The following TTC28 variants were observed in gnomAD, a reference collection of about 807,000 sequenced individuals.
TTC28 encodes tetratricopeptide repeat domain 28.
In TTC28, 61 loss-of-function variants were observed where a neutral mutation model predicts 198.0. That is an observed-to-expected ratio of 0.31 (90% CI 0.25 to 0.38). The LOEUF (loss-of-function observed/expected upper bound fraction) is 0.38, where lower values mean the gene tolerates loss of function less well. Ranked by LOEUF, TTC28 falls within the 10% of genes least tolerant of loss-of-function variation. The pLI is 1.00. For synonymous variants in TTC28, 1,171 were observed against 1,297.8 expected (o/e 0.90, Z 2.10); for missense variants, 2,678 against 3,164.0 (o/e 0.85, Z 3.69).
intron 9 of TTC28, 87 bp downstream of exon 9, chr22:28,101,083 TA>T: frequency 1.0e-6 from 1 of 962,974 alleles, no homozygotes; most frequent in African/African-American, 1.7e-5. Context: ...GTGCCTCTTG[TA>T]AATGCCATCA....
intron 2 of TTC28, among the ~76,000 whole-genome samples, chr22:28,599,200 G>T (rs2050596570): frequency 6.6e-6 from 1 of 152,152 alleles, no homozygotes; most frequent in East Asian, 1.9e-4. Flanking sequence ...GCCATAAATG[G>T]CAAGTTCTTT....
intron 2 of TTC28, among the ~76,000 whole-genome samples, chr22:28,429,426 G>C (rs188075562): frequency 6.6e-6 from 1 of 152,222 alleles, no homozygotes; most frequent in Admixed American, 6.5e-5. Context: ...TAACATACTT[G>C]CCTCGATTTA....
At chr22:28,439,601 T>C (rs1237011983) in intron 2 of TTC28, among the ~76,000 whole-genome samples, 1 of 152,178 alleles carries the variant, frequency 6.6e-6, no homozygotes, top group Non-Finnish European at 1.5e-5. Context: ...AAACCTCAGT[T>C]TGCTTATATG....
At chr22:28,282,146 G>A (rs2044595840) in intron 5 of TTC28, among the ~76,000 whole-genome samples, 1 of 152,090 alleles carries the variant, frequency 6.6e-6, no homozygotes, top group African/African-American at 2.4e-5. Flanking sequence ...CTGCCTGTTT[G>A]GTTATTCTCT....
intron 5 of TTC28, among the ~76,000 whole-genome samples, chr22:28,241,943 T>C (rs1802691057): frequency 6.6e-6 from 1 of 152,110 alleles, no homozygotes; most frequent in African/African-American, 2.4e-5. Flanking sequence ...TAAGTAAGGA[T>C]ATAAATGAAG....
intron 6 of TTC28, among the ~76,000 whole-genome samples, chr22:28,149,025 A>G (rs1943543723): frequency 6.6e-5 from 10 of 152,228 alleles, no homozygotes; most frequent in Admixed American, 6.5e-4. Flanking sequence ...CATACTGAGA[A>G]ACGTGTTGTT....
chr22:28,127,191 A>T (rs909543993), intron 6 of TTC28, among the ~76,000 whole-genome samples: 1 of 152,254 alleles, frequency 6.6e-6, no homozygotes, highest in African/African-American at 2.4e-5. Flanking sequence ...AGTACAGACA[A>T]GACTGGGCCT....
At chr22:28,157,583 T>C (rs1287318637) in intron 6 of TTC28, among the ~76,000 whole-genome samples, 1 of 152,224 alleles carries the variant, frequency 6.6e-6, no homozygotes, top group Non-Finnish European at 1.5e-5. Context: ...TTATTCATCA[T>C]GACCTAGTGG....
At chr22:28,080,925 C>T (rs182866306) in intron 12 of TTC28, among the ~76,000 whole-genome samples, 2 of 152,158 alleles carry the variant, frequency 1.3e-5, no homozygotes, top group East Asian at 3.9e-4. Context: ...TTTCCTAACA[C>T]CATTTATTGA....
At chr22:28,672,929 A>G (rs1002372370) in intron 1 of TTC28, among the ~76,000 whole-genome samples, 5 of 152,270 alleles carry the variant, frequency 3.3e-5, no homozygotes, top group African/African-American at 9.6e-5. Flanking sequence ...AACATATAGT[A>G]ATCTGGAATG....
At chr22:28,192,199 C>A (rs886821907) in intron 5 of TTC28, among the ~76,000 whole-genome samples, 1 of 152,206 alleles carries the variant, frequency 6.6e-6, no homozygotes, top group African/African-American at 2.4e-5. Context: ...GGACCTCCAG[C>A]AAACTCCAAC....
At position 27,993,334 on chromosome 22, in the gene TTC28, G is replaced by A. The variant is rs764243881; in HGVS notation, c.5429C>T (p.Pro1810Leu). 1.6e-5 allele frequency: 25 copies of A among 1,549,666 alleles called. No homozygotes were observed. The highest frequency in any genetic ancestry group is 5.5e-5 in the African/African-American group (4 of 73,062). ...PAAVFFPTSD[P>L]GDRLQQCSST... is the part of the protein sequence containing the mutation. ...GCTGCACTGCTGGAGCCGGTCGCCC[G>A]GGTCGGAGGTTGGGAAGAAGACAGC... The change falls in exon 18 of 23, where the codon CCG (proline) becomes CTG (leucine). Residue 1810 changes from proline to leucine, a missense_variant. Pro to Leu is a moderately conservative substitution (Grantham distance 98, BLOSUM62 -3). This residue lies in a region of TTC28 where 314 missense variants were observed against 442.7 expected (regional missense o/e 0.71). Transcript: ENST00000397906.
At chr22:28,191,402 G>T (rs1924733029) in intron 5 of TTC28, among the ~76,000 whole-genome samples, 1 of 152,226 alleles carries the variant, frequency 6.6e-6, no homozygotes, top group Non-Finnish European at 1.5e-5. Context: ...TCCAACTGAG[G>T]TAGCGGGTTC....
chr22:28,430,036 ATTT>A (rs919396993), intron 2 of TTC28, among the ~76,000 whole-genome samples: 5 of 109,968 alleles, frequency 4.5e-5, no homozygotes, highest in Admixed American at 9.9e-5. Flanking sequence ...CTGGAATATG[ATTT>A]TTTTTTTTTT....
In TTC28 at chr22:28,656,819, G is replaced by A. The variant is rs903252650; in HGVS notation, c.102+22803C>T. On this transcript the variant is annotated intron_variant, in intron 1 of 22. Coordinates refer to ENST00000397906, the MANE Select transcript of TTC28 (RefSeq NM_001145418.2). Reference sequence around the variant, plus strand: ...AGGAGATATACCTAATGTAAATGACGAGTTAATGGCTGCAGCACACCAACA... The same window carrying A: ...AGGAGATATACCTAATGTAAATGACAAGTTAATGGCTGCAGCACACCAACA... Among the ~76,000 whole-genome samples, 6 of 152,096 alleles carry A rather than the reference G, an allele frequency of 3.9e-5. No individual in the cohort carries two copies. In the South Asian group the frequency reaches 6.2e-4, roughly 16 times the overall value.
At chr22:28,065,858 C>G (rs1940725872) in intron 12 of TTC28, among the ~76,000 whole-genome samples, 1 of 152,156 alleles carries the variant, frequency 6.6e-6, no homozygotes, top group South Asian at 2.1e-4. Context: ...ACAGCTAAAA[C>G]CTTGTCTCCC....
rs748850926 is a variant in TTC28, at chr22:27,999,250, C to T, written c.4409G>A (p.Arg1470Gln). 32 of 1,548,288 alleles carry T rather than the reference C, an allele frequency of 2.1e-5. No homozygotes were observed. Among genetic ancestry groups the T allele is most frequent in the East Asian group, 7.3e-5 (3 of 40,908 alleles). ...GCTGGAGTATGTGGGCGGGTTCTTC[C>T]GTAAGTGAGACTAGGAGGGGAGGGG... Reference protein sequence around the residue: ...SLSVQSKSHLRKNPPTYSSST... With the variant: ...SLSVQSKSHLQKNPPTYSSST... The change falls in exon 16 of 23, where the codon CGG (arginine) becomes CAG (glutamine). Residue 1470 changes from arginine (R) to glutamine (Q), a missense_variant. Arg to Gln is a conservative substitution (Grantham distance 43, BLOSUM62 1). Around this residue, in one of 8 missense-constraint regions of TTC28, gnomAD observed 727 missense variants for 861.9 expected, o/e 0.84. Transcript: ENST00000397906.
At chr22:28,556,013 T>A (rs561647906) in intron 2 of TTC28, among the ~76,000 whole-genome samples, 384 of 152,074 alleles carry the variant, frequency 2.5e-3, no homozygotes, top group Non-Finnish European at 3.5e-3. Flanking sequence ...AATATACCCT[T>A]TAGTGAAGGG....
chr22:28,323,181 A>T (rs530861681), intron 2 of TTC28, among the ~76,000 whole-genome samples: 2 of 152,320 alleles, frequency 1.3e-5, no homozygotes, highest in Admixed American at 6.5e-5. Context: ...CCTAGAATAA[A>T]TATTTAACTC....
Sources: gnomAD v4.1 joint callset for allele counts (sites outside exome capture counted in the v4.1 genomes callset) on GRCh38, gnomAD v4.1.1 for gene constraint, gnomAD v4.1.1 regional missense constraint, MANE v1.5 for transcripts, NCBI Gene and HGNC (gene_info 2026-07-23, HGNC 2026-07-21) for gene names.